ISY1: variants seen among roughly 807,000 people sequenced by gnomAD.
ISY1 encodes pre-mRNA-splicing factor ISY1 homolog.
In ISY1, 12 loss-of-function variants were observed where a neutral mutation model predicts 54.4. The ratio of observed to expected loss-of-function variants is 0.22; its 90% CI spans 0.14 to 0.36. The LOEUF (loss-of-function observed/expected upper bound fraction) is 0.36, where lower values mean the gene tolerates loss of function less well. ISY1 is among the 10% of genes least tolerant of loss of function. The pLI, the probability that ISY1 is intolerant of heterozygous loss-of-function variation, is 1.00. For missense variants in ISY1, 282 were observed against 342.2 expected (o/e 0.82, Z 1.39); for synonymous variants, 96 against 117.9 (o/e 0.81, Z 1.20).
intron 1 of ISY1, among the ~76,000 whole-genome samples, chr3:129,159,453 C>T (rs1392519882): frequency 2.0e-5 from 3 of 152,132 alleles, no homozygotes; most frequent in Non-Finnish European, 4.4e-5. Context: ...TGTGTCATGA[C>T]CACCCAGAAC....
At chr3:129,147,376 C>CAACAAATA (rs1324156503) in intron 5 of ISY1, among the ~76,000 whole-genome samples, 3 of 151,432 alleles carry the variant, frequency 2.0e-5, no homozygotes, top group African/African-American at 7.3e-5. Flanking sequence ...GACTGTCTCA[C>CAACAAATA]AAAAAATAAA....
At chr3:129,148,065 C>T (rs1286275260) in intron 5 of ISY1, among the ~76,000 whole-genome samples, 1 of 152,036 alleles carries the variant, frequency 6.6e-6, no homozygotes, top group Non-Finnish European at 1.5e-5. Flanking sequence ...GGACTCAAAG[C>T]GATCCTCCCA....
intron 9 of ISY1, among the ~76,000 whole-genome samples, chr3:129,131,394 T>G (rs1437273242): frequency 6.6e-6 from 1 of 151,996 alleles, no homozygotes; most frequent in African/African-American, 2.4e-5. Context: ...CCACAAACAT[T>G]AGACACAAAA....
chr3:129,157,061 GC>G (rs2107620662), intron 3 of ISY1, 141 bp from the exon 4 acceptor site: 1 of 861,406 alleles, frequency 1.2e-6, no homozygotes, highest in Non-Finnish European at 1.8e-6. Context: ...TCCTCATCAA[GC>G]CTTAAACCTC....
intron 9 of ISY1, among the ~76,000 whole-genome samples, chr3:129,131,039 G>C (rs1936222974): frequency 6.6e-6 from 1 of 152,204 alleles, no homozygotes; most frequent in South Asian, 2.1e-4. Flanking sequence ...TTGCCTATGA[G>C]TCAATACAAA....
intron 5 of ISY1, among the ~76,000 whole-genome samples, chr3:129,153,576 G>A (rs901491209): frequency 4.6e-5 from 7 of 152,012 alleles, no homozygotes; most frequent in Admixed American, 3.3e-4. Flanking sequence ...GAGGTCAGGA[G>A]ATCGAGACCA....
intron 5 of ISY1, among the ~76,000 whole-genome samples, chr3:129,149,600 AAAAAAAAAAAATATATATATAT>A (rs1007872446): frequency 1.2e-5 from 1 of 86,174 alleles, no homozygotes; most frequent in Non-Finnish European, 2.1e-5. Flanking sequence ...AAAAAAAAAA[AAAAAAAAAAAATATATATATAT>A]ATATATATAT....
chr3:129,158,432 T>G (rs1229883318), intron 3 of ISY1, 76 bp downstream of exon 3: 18 of 1,596,494 alleles, frequency 1.1e-5, no homozygotes, highest in Non-Finnish European at 1.5e-5. Flanking sequence ...GTATTGGGAT[T>G]ACAGGCATGA....
chr3:129,158,320 G>C (rs1937205877), intron 3 of ISY1, among the ~76,000 whole-genome samples, 188 bp downstream of exon 3: 1 of 151,706 alleles, frequency 6.6e-6, no homozygotes, highest in Admixed American at 6.6e-5. Context: ...TGCCTGGCTA[G>C]GCTAATCTTT....
At chr3:129,154,924 G>A (rs1265839978) in intron 5 of ISY1, among the ~76,000 whole-genome samples, 4 of 151,864 alleles carry the variant, frequency 2.6e-5, no homozygotes, top group Admixed American at 6.6e-5. Flanking sequence ...TCCTGACCTC[G>A]TCATCCGCCC....
chr3:129,134,248 A>G, intron 8 of ISY1, 53 bp from the exon 9 acceptor site: 3 of 1,611,786 alleles, frequency 1.9e-6, no homozygotes, highest in Non-Finnish European at 2.5e-6. Flanking sequence ...TGAGCTTTCA[A>G]CACTATGCAG....
chr3:129,134,616 C>T (rs910617710), intron 8 of ISY1, among the ~76,000 whole-genome samples: 9 of 152,120 alleles, frequency 5.9e-5, no homozygotes, highest in African/African-American at 1.9e-4. Context: ...ACCGGTCAGA[C>T]GTGGCTCTCA....
chr3:129,146,073 G>A (rs1238086784), intron 5 of ISY1, among the ~76,000 whole-genome samples, 200 bp from the exon 6 acceptor site: 2 of 150,772 alleles, frequency 1.3e-5, no homozygotes, highest in African/African-American at 2.4e-5. Flanking sequence ...TCCCACTAGC[G>A]TAAGAAAAAA....
rs200606532 is a variant in ISY1 at position 129,149,612 on chromosome 3, T to A, written c.188-3739A>T. 3.0e-3 allele frequency among the ~76,000 whole-genome samples: 123 copies of A among 40,850 alleles called. 2 individuals carry two copies. The highest frequency in any genetic ancestry group is 0.018 in the East Asian group (20 of 1,136). 26.8% of individuals were successfully genotyped at this position (40,850 alleles called of 152,430 possible). A position where few individuals can be genotyped will look rare whatever the true frequency, so the allele number is the denominator to read the frequency against. ...AAAAAAAAAAAAAAAAAAAAAAAAA[T>A]ATATATATATATATATATATATATA... On this transcript the variant is annotated intron_variant, in intron 5 of 10. Transcript: ENST00000393295.
chr3:129,150,623 GA>G (rs1936938374), intron 5 of ISY1, among the ~76,000 whole-genome samples: 1 of 151,522 alleles, frequency 6.6e-6, no homozygotes, highest in Admixed American at 6.6e-5. Flanking sequence ...TGAGGCAGGA[GA>G]ATGGCATGAA....
chr3:129,133,438 G>C (rs997556229), intron 9 of ISY1, among the ~76,000 whole-genome samples: 1 of 152,198 alleles, frequency 6.6e-6, no homozygotes, highest in African/African-American at 2.4e-5. Flanking sequence ...GTTCACACCT[G>C]TCATCCCAGC....
intron 6 of ISY1, among the ~76,000 whole-genome samples, chr3:129,141,572 G>A (rs967829910): frequency 1.3e-5 from 2 of 151,942 alleles, no homozygotes; most frequent in African/African-American, 2.4e-5. Flanking sequence ...GGCTAACATG[G>A]TGAAACCCCG....
At chr3:129,149,332 G>A (rs1936864650) in intron 5 of ISY1, among the ~76,000 whole-genome samples, 1 of 149,806 alleles carries the variant, frequency 6.7e-6, no homozygotes, top group Non-Finnish European at 1.5e-5. Context: ...GGGAGGCTGA[G>A]GCAGGAGAAT....
chr3:129,156,765 C>A, intron 4 of ISY1, 90 bp from the exon 5 acceptor site: 21 of 1,562,398 alleles, frequency 1.3e-5, no homozygotes, highest in Non-Finnish European at 1.7e-5. Flanking sequence ...TTTAAAAATA[C>A]TTAGACTTTT....
Sources: allele counts gnomAD v4.1 joint callset (sites outside exome capture counted in the v4.1 genomes callset), GRCh38; gene constraint gnomAD v4.1.1; transcripts MANE v1.5; gene names NCBI Gene and HGNC (gene_info 2026-07-23, HGNC 2026-07-21).